The following SORT1 variants were observed in gnomAD, a reference collection of about 807,000 sequenced individuals.
The protein encoded by SORT1 is sortilin.
A neutral mutation model predicts 101.7 loss-of-function variants in SORT1; 39 were observed. The observed-to-expected ratio is 0.38, with a 90% CI of 0.30 to 0.50. The LOEUF is 0.50. Among genes scored for constraint, SORT1 ranks in the 20% least tolerant of loss-of-function variants. The pLI, the probability that SORT1 is intolerant of heterozygous loss-of-function variation, is 0.90. For missense variants in SORT1, 878 were observed against 1,040.4 expected, an observed-to-expected ratio of 0.84 and a Z score of 2.15; for synonymous variants, 396 against 393.7, an observed-to-expected ratio of 1.01 and a Z score of -0.07.
At chr1:109,375,434 G>A (rs372664052) in intron 1 of SORT1, among the ~76,000 whole-genome samples, 12 of 151,052 alleles carry the variant, frequency 7.9e-5, no homozygotes, top group East Asian at 3.9e-4. Flanking sequence ...TACCAGCTAC[G>A]CGGGAGGCTG....
chr1:109,326,745 T>C (rs1343214647), intron 13 of SORT1: 6 of 306,412 alleles, frequency 2.0e-5, no homozygotes, highest in Non-Finnish European at 3.0e-5. Flanking sequence ...CATGAGCCAC[T>C]GCGCCCAACC....
intron 4 of SORT1, 22 bp from the exon 5 acceptor site, chr1:109,354,553 T>G: frequency 6.3e-7 from 1 of 1,595,034 alleles, no homozygotes; most frequent in Non-Finnish European, 8.6e-7. Context: ...AGGAAAGATC[T>G]GATTCAGGGT....
At chr1:109,378,740 AT>A (rs1652030600) in intron 1 of SORT1, among the ~76,000 whole-genome samples, 37 of 103,790 alleles carry the variant, frequency 3.6e-4, no homozygotes, top group African/African-American at 1.6e-3. Flanking sequence ...ATATATATAT[AT>A]ATATATATAT....
intron 1 of SORT1, among the ~76,000 whole-genome samples, chr1:109,370,151 A>G (rs1291252906): frequency 6.6e-6 from 1 of 152,228 alleles, no homozygotes; most frequent in Non-Finnish European, 1.5e-5. Flanking sequence ...TAATAATAAA[A>G]CAACCTTACT....
chr1:109,370,076 C>T lies in SORT1; in HGVS notation c.307-487G>A, dbSNP rs201218109. ...AGTCTAGCTCACTCAAAAATGACAA[C>T]GGGCAGAAGCAAGAAGCAAATGCCT... On this transcript the variant is annotated intron_variant, in intron 1 of 19. Coordinates refer to ENST00000256637, the MANE Select transcript of SORT1 (RefSeq NM_002959.7). Among the ~76,000 whole-genome samples, 17 of 152,172 alleles carry T rather than the reference C, an allele frequency of 1.1e-4. No individual in the cohort carries two copies. The East Asian group carries it at 1.7e-3, about 16-fold the overall frequency.
At chr1:109,376,330 C>CA (rs35117356) in intron 1 of SORT1, among the ~76,000 whole-genome samples, 6,963 of 93,560 alleles carry the variant, frequency 0.074, 278 homozygotes, top group African/African-American at 0.12. Context: ...GACTCCATCT[C>CA]AAAAAAAAAA....
chr1:109,371,398 T>TACC (rs1651475734), intron 1 of SORT1, among the ~76,000 whole-genome samples: 2 of 152,146 alleles, frequency 1.3e-5, no homozygotes, highest in South Asian at 4.1e-4. Context: ...CATCCAGAGC[T>TACC]ACCACAAGCA....
intron 6 of SORT1, among the ~76,000 whole-genome samples, chr1:109,347,840 C>T (rs1445077285): frequency 6.6e-6 from 1 of 152,092 alleles, no homozygotes; most frequent in Non-Finnish European, 1.5e-5. Context: ...GGGTGGGTGG[C>T]GGAGGTGTTA....
chr1:109,317,981 A>C lies in SORT1; in HGVS notation c.2025-12T>G, dbSNP rs753396170. The C allele has an allele frequency of 1.3e-6, 2 of 1,540,684 alleles. No homozygotes were observed. The highest frequency in any genetic ancestry group is 1.1e-5 in the South Asian group (1 of 89,480). ...AGTAGCCAAAATCACTGCAAGAGTC[A>C]GCAAATAAAGTACCTTTCAAAGCAG... On this transcript the variant is annotated splice_polypyrimidine_tract_variant and intron_variant, in intron 15 of 19. Coordinates refer to ENST00000256637, the MANE Select transcript of SORT1 (RefSeq NM_002959.7).
chr1:109,351,081 C>T lies in SORT1; in HGVS notation c.709-79G>A, dbSNP rs72646561. 2.2e-4 allele frequency: 214 copies of T among 967,006 alleles called. No individual in the cohort carries two copies. The African/African-American group carries it at 3.0e-3, about 14-fold the overall frequency. The allele number at this position is 967,006 out of a possible 1,614,324, so 59.9% of individuals were successfully genotyped here. A position where few individuals can be genotyped will look rare whatever the true frequency, so the allele number is the denominator to read the frequency against. ...TTGTATGACCTTTAATATTTCATAT[C>T]CAATCATTCAGGACAGGAAAAACAC... On this transcript the variant is annotated intron_variant, in intron 5 of 19. Coordinates refer to ENST00000256637, the MANE Select transcript of SORT1 (RefSeq NM_002959.7).
rs572515140 is a variant in SORT1 at position 109,337,557 on chromosome 1, T to C, written c.1265-1211A>G. Among the ~76,000 whole-genome samples the C allele has an allele frequency of 2.0e-5, 3 of 152,260 alleles. No individual in the cohort carries two copies. The South Asian group carries it at 6.2e-4, about 32-fold the overall frequency. ...TGTGCCTGGGCTCCTTTGAGTTTTCTAAGAAAAAGCAAACAAGGAAGCAAA... is the reference window on the plus strand; with the variant it reads ...TGTGCCTGGGCTCCTTTGAGTTTTCCAAGAAAAAGCAAACAAGGAAGCAAA... On this transcript the variant is annotated intron_variant, in intron 10 of 19. Coordinates refer to ENST00000256637, the MANE Select transcript of SORT1 (RefSeq NM_002959.7).
intron 11 of SORT1, among the ~76,000 whole-genome samples, chr1:109,335,038 G>A (rs1648717478): frequency 6.6e-6 from 1 of 152,174 alleles, no homozygotes; most frequent in Non-Finnish European, 1.5e-5. Flanking sequence ...AGGGTGGTTA[G>A]AATTTCCACC....
intron 1 of SORT1, among the ~76,000 whole-genome samples, chr1:109,382,045 G>GT (rs1557824778): frequency 1.3e-5 from 2 of 150,582 alleles, no homozygotes; most frequent in East Asian, 3.9e-4. Context: ...AACTATATAA[G>GT]TAAGCTATTT....
At chr1:109,379,915 T>A (rs1242628337) in intron 1 of SORT1, among the ~76,000 whole-genome samples, 1 of 152,146 alleles carries the variant, frequency 6.6e-6, no homozygotes, top group African/African-American at 2.4e-5. Flanking sequence ...CCTAACTCCC[T>A]TCTTAAAATG....
intron 15 of SORT1, among the ~76,000 whole-genome samples, chr1:109,321,338 A>G (rs902238112): frequency 2.6e-5 from 4 of 152,152 alleles, no homozygotes; most frequent in African/African-American, 9.7e-5. Flanking sequence ...CTTGGGGGTG[A>G]AGCAGGGACT....
chr1:109,364,134 CATT>C (rs1254778152), intron 3 of SORT1, among the ~76,000 whole-genome samples: 4 of 152,184 alleles, frequency 2.6e-5, no homozygotes, highest in African/African-American at 4.8e-5. Flanking sequence ...ACCTTGGTAA[CATT>C]ATACTATATC....
chr1:109,358,131 C>T (rs1650455668), intron 3 of SORT1, among the ~76,000 whole-genome samples: 1 of 152,138 alleles, frequency 6.6e-6, no homozygotes, highest in South Asian at 2.1e-4. Context: ...ATGAGCAAAA[C>T]AAAAAATCAC....
intron 1 of SORT1, among the ~76,000 whole-genome samples, chr1:109,374,140 C>T (rs1651666519): frequency 6.6e-6 from 1 of 151,882 alleles, no homozygotes; most frequent in Non-Finnish European, 1.5e-5. Context: ...AATCAGGACC[C>T]ATAATGAAGA....
chr1:109,378,952 G>A (rs2101643085), intron 1 of SORT1, among the ~76,000 whole-genome samples: 1 of 151,026 alleles, frequency 6.6e-6, no homozygotes, highest in South Asian at 2.1e-4. Flanking sequence ...AGACCCGCCT[G>A]ACCAATATGG....
Sources: gnomAD v4.1 joint callset for allele counts (sites outside exome capture counted in the v4.1 genomes callset) on GRCh38, gnomAD v4.1.1 for gene constraint, MANE v1.5 for transcripts, NCBI Gene and HGNC (gene_info 2026-07-23, HGNC 2026-07-21) for gene names.